DIS3L2: variants seen among roughly 807,000 people sequenced by gnomAD.
The protein encoded by DIS3L2 is DIS3-like exonuclease 2.
In DIS3L2, 34 loss-of-function variants were observed where a neutral mutation model predicts 97.5. The observed-to-expected ratio is 0.35, with a 90% CI of 0.27 to 0.46. The LOEUF is 0.46. DIS3L2 is among the 20% of genes least tolerant of loss of function. DIS3L2 has a pLI of 1.00. For missense variants in DIS3L2, 1,038 were observed against 1,146.0 expected, an observed-to-expected ratio of 0.91 and a Z score of 1.36; for synonymous variants, 435 against 445.2, an observed-to-expected ratio of 0.98 and a Z score of 0.29.
intron 7 of DIS3L2, among the ~76,000 whole-genome samples, chr2:232,135,015 G>A (rs983165855): frequency 9.8e-5 from 15 of 152,294 alleles, no homozygotes; most frequent in African/African-American, 3.6e-4. Context: ...GTGCAGCACT[G>A]GAGAACAAGC....
intron 5 of DIS3L2, among the ~76,000 whole-genome samples, chr2:232,039,676 A>G (rs1695055821): frequency 6.6e-6 from 1 of 152,202 alleles, no homozygotes; most frequent in Non-Finnish European, 1.5e-5. Flanking sequence ...TATTACAGAC[A>G]TCTAATGAAA....
At chr2:232,096,834 C>T (rs571164609) in intron 6 of DIS3L2, among the ~76,000 whole-genome samples, 17 of 152,076 alleles carry the variant, frequency 1.1e-4, no homozygotes, top group African/African-American at 3.9e-4. Context: ...TTTCTATTAT[C>T]TTGAATTTCT....
intron 9 of DIS3L2, among the ~76,000 whole-genome samples, chr2:232,165,964 A>G (rs997888782): frequency 6.6e-6 from 1 of 151,988 alleles, no homozygotes; most frequent in African/African-American, 2.4e-5. Context: ...GGGGCCCAAT[A>G]TTGCAGTAAA....
chr2:232,060,291 G>A (rs1201046630), intron 5 of DIS3L2, among the ~76,000 whole-genome samples: 11 of 151,982 alleles, frequency 7.2e-5, no homozygotes, highest in African/African-American at 9.7e-5. Flanking sequence ...GTAGGGTATC[G>A]CTCAAGAAGT....
In DIS3L2 at chr2:231,989,098, G is replaced by A. The variant is rs368954723; in HGVS notation, c.-93-25737G>A. ...TGGAGATGTGATGGCTCGGATTACCGTTGAAATTATGCGTGTAGATAGTGG... is the reference window on the plus strand; with the variant it reads ...TGGAGATGTGATGGCTCGGATTACCATTGAAATTATGCGTGTAGATAGTGG... On this transcript the variant is annotated intron_variant, in intron 1 of 20. Coordinates refer to ENST00000325385, the MANE Select transcript of DIS3L2 (RefSeq NM_152383.5). Among the ~76,000 whole-genome samples, 36 of 152,176 alleles carry A rather than the reference G, an allele frequency of 2.4e-4. No individual in the cohort carries two copies. In the East Asian group the frequency reaches 6.6e-3, roughly 28 times the overall value.
intron 5 of DIS3L2, among the ~76,000 whole-genome samples, chr2:232,058,786 G>A (rs541404423): frequency 2.0e-5 from 3 of 152,132 alleles, no homozygotes; most frequent in Non-Finnish European, 4.4e-5. Context: ...GTCATTGATC[G>A]TGAAGAATCC....
Position 231,987,602 on chromosome 2 carries a change from C to T in DIS3L2, c.-94+25837C>T, listed in dbSNP as rs112264832. On this transcript the variant is annotated intron_variant, in intron 1 of 20. Transcript: ENST00000325385. The stretch of plus-strand genomic sequence containing the variant: ...AACTGAGGTCCTGCACCTTGACCCT[C>T]AGTTTAGAAGGCATGCGTAAGCACT... 3.3e-5 allele frequency among the ~76,000 whole-genome samples: 5 copies of T among 152,304 alleles called. 1 individual carries two copies. Among genetic ancestry groups the T allele is most frequent in the African/African-American group, 1.2e-4 (5 of 41,576 alleles).
chr2:232,294,149 G>A (rs1042153624), intron 13 of DIS3L2, among the ~76,000 whole-genome samples: 5 of 152,184 alleles, frequency 3.3e-5, no homozygotes, highest in African/African-American at 1.2e-4. Flanking sequence ...TACCTCATTG[G>A]CCTCGGTTGG....
rs543236279 is a variant in DIS3L2 at position 232,325,188 on chromosome 2, A to G, written c.1740-4625A>G. Among the ~76,000 whole-genome samples the G allele has an allele frequency of 1.3e-5, 2 of 152,250 alleles. No individual in the cohort carries two copies. The highest frequency in any genetic ancestry group is 1.3e-4 in the Admixed American group (2 of 15,294). ...CATCGTCCTTTAAGATGCGACAGAA[A>G]CAGGTCCCACCTGAGCCAGCAGGAA... On this transcript the variant is annotated intron_variant, in intron 14 of 20. Coordinates refer to ENST00000325385, the MANE Select transcript of DIS3L2 (RefSeq NM_152383.5). This position sits in a 1 kb window ranked among gnomAD's most constrained non-coding sequence, Gnocchi z 4.6.
intron 12 of DIS3L2, among the ~76,000 whole-genome samples, chr2:232,261,412 T>C (rs1306813100): frequency 3.3e-5 from 5 of 152,216 alleles, no homozygotes; most frequent in Non-Finnish European, 7.3e-5. Flanking sequence ...GAAGTGGTCA[T>C]CCACACTGGT....
At chr2:232,068,600 G>A (rs926384254) in intron 5 of DIS3L2, among the ~76,000 whole-genome samples, 5 of 151,046 alleles carry the variant, frequency 3.3e-5, no homozygotes, top group African/African-American at 4.9e-5. Flanking sequence ...AAAGTTATAT[G>A]TATATATATT....
chr2:232,044,159 G>T (rs542939314), intron 5 of DIS3L2, among the ~76,000 whole-genome samples: 2 of 152,098 alleles, frequency 1.3e-5, no homozygotes, highest in African/African-American at 4.8e-5. Context: ...GTGTAAGAGA[G>T]TTCAGTTGGT....
intron 1 of DIS3L2, among the ~76,000 whole-genome samples, chr2:232,008,337 CTT>C (rs1337235022): frequency 1.3e-5 from 2 of 151,794 alleles, no homozygotes; most frequent in Non-Finnish European, 2.9e-5. Context: ...CAAATTTTCT[CTT>C]TTTGACTCAG....
chr2:232,012,103 C>G (rs1348914483), intron 1 of DIS3L2, among the ~76,000 whole-genome samples: 1 of 152,206 alleles, frequency 6.6e-6, no homozygotes, highest in Admixed American at 6.6e-5. Context: ...GTTCTTCCCC[C>G]ATTCTTTGCT....
rs187640131 is a variant in DIS3L2, at chr2:231,963,843, C to T, written c.-94+2078C>T. Among the ~76,000 whole-genome samples the T allele has an allele frequency of 4.0e-3, 608 of 152,160 alleles. 5 individuals are homozygous for T. The highest frequency in any genetic ancestry group is 0.012 in the African/African-American group (513 of 41,498). On this transcript the variant is annotated intron_variant, in intron 1 of 20. Transcript: ENST00000325385. ...AAGTGATCCTCCCACCTCAGCCTCC[C>T]GAGTAGCTGAGACTACAGGTGCGCA...
intron 5 of DIS3L2, among the ~76,000 whole-genome samples, chr2:232,054,816 A>G (rs1695499459): frequency 6.6e-6 from 1 of 152,234 alleles, no homozygotes; most frequent in Non-Finnish European, 1.5e-5. Context: ...AGAAAATTGT[A>G]GGCAAAGTCC....
intron 1 of DIS3L2, among the ~76,000 whole-genome samples, chr2:232,000,558 T>C (rs553494979): frequency 6.0e-5 from 9 of 151,014 alleles, no homozygotes; most frequent in African/African-American, 2.2e-4. Flanking sequence ...CCTAATGTCC[T>C]CTAGGTTCAT....
intron 14 of DIS3L2, among the ~76,000 whole-genome samples, chr2:232,306,223 C>T (rs187972356): frequency 3.9e-5 from 6 of 152,316 alleles, no homozygotes; most frequent in South Asian, 4.1e-4. Context: ...GTGCCACATA[C>T]GGCCATTCCT....
chr2:232,103,835 G>A (rs1174058877), intron 6 of DIS3L2, among the ~76,000 whole-genome samples: 1 of 152,026 alleles, frequency 6.6e-6, no homozygotes, highest in Non-Finnish European at 1.5e-5. Flanking sequence ...GGTGATTATT[G>A]ATTTCTTTAA....
Sources: allele counts gnomAD v4.1 joint callset (sites outside exome capture counted in the v4.1 genomes callset), GRCh38; gene constraint gnomAD v4.1.1; non-coding constraint Gnocchi (gnomAD v3.1); transcripts MANE v1.5; gene names NCBI Gene and HGNC (gene_info 2026-07-23, HGNC 2026-07-21).